Variants in MYO10 observed in about 807,000 individuals in gnomAD.
The protein encoded by MYO10 is unconventional myosin-X.
Under a neutral mutation model 257.3 loss-of-function variants are expected in MYO10, and 133 were observed. That is an observed-to-expected ratio of 0.52 (90% CI 0.45 to 0.60). The LOEUF is 0.60. Ranked by LOEUF, MYO10 falls within the 20% of genes least tolerant of loss-of-function variation. MYO10 has a pLI of 0.00. For missense variants in MYO10, 2,399 were observed against 2,635.7 expected, an observed-to-expected ratio of 0.91 and a Z score of 1.97; for synonymous variants, 1,104 against 1,028.6, an observed-to-expected ratio of 1.07 and a Z score of -1.40.
rs769302371 is a variant in MYO10, at chr5:16,668,313, C to T, written c.6039G>A (p.Val2013=). ...GAPLANTYKI[V]VDERELLFET... ...CAAAGAGCAGCTCCCTCTCATCGAC[C>T]ACGATCTTATACGTATTCGCCAGGG... The change falls in exon 40 of 41, where the codon GTG becomes GTA. Residue 2013 remains valine (V), a synonymous_variant. Transcript: ENST00000513610. 1.9e-6 allele frequency: 3 copies of T among 1,613,616 alleles called. No homozygotes were observed. Among genetic ancestry groups the T allele is most frequent in the Non-Finnish European group, 1.7e-6 (2 of 1,179,748 alleles).
rs189642050 is a variant in MYO10 at position 16,710,381 on chromosome 5, G to A, written c.2169+527C>T. On this transcript the variant is annotated intron_variant, in intron 21 of 40. Coordinates refer to ENST00000513610, the MANE Select transcript of MYO10 (RefSeq NM_012334.3). ...ATACTCTGCTCCTATCTGGAAAAGGGGGTTAAGGAGCCTCTGCCCCAACAG... is the reference window on the plus strand; with the variant it reads ...ATACTCTGCTCCTATCTGGAAAAGGAGGTTAAGGAGCCTCTGCCCCAACAG... Among the ~76,000 whole-genome samples, 3 of 152,290 alleles carry A rather than the reference G, an allele frequency of 2.0e-5. No homozygotes were observed. The East Asian group carries it at 5.8e-4, about 29-fold the overall frequency.
In MYO10 at chr5:16,726,343, A is replaced by G. The variant is rs569072634; in HGVS notation, c.1930-15098T>C. ...CACCACTAGTAGTAACAGTACAAGT[A>G]GTACTTCCAGCAGCAACATTAGTGG... On this transcript the variant is annotated intron_variant, in intron 19 of 40. Transcript: ENST00000513610. Among the ~76,000 whole-genome samples, 141 of 152,352 alleles carry G rather than the reference A, an allele frequency of 9.3e-4. No individual in the cohort carries two copies. In the South Asian group the frequency reaches 0.015, roughly 17 times the overall value.
intron 1 of MYO10, among the ~76,000 whole-genome samples, chr5:16,925,632 G>A (rs1327151596): frequency 6.6e-6 from 1 of 152,072 alleles, no homozygotes; most frequent in Non-Finnish European, 1.5e-5. Context: ...GGCTGGTCTC[G>A]AACTCCTGAC....
rs34123697 is a variant in MYO10, at chr5:16,926,704, C to CA, written c.21+9083dup. Among the ~76,000 whole-genome samples, 476 of 134,704 alleles carry CA rather than the reference C, an allele frequency of 3.5e-3. 5 individuals carry two copies. Among genetic ancestry groups the CA allele is most frequent in the South Asian group, 0.024 (106 of 4,376 alleles). The allele number at this position is 134,704 out of a possible 152,430, so 88.4% of individuals were successfully genotyped here. On this transcript the variant is annotated intron_variant, in intron 1 of 40. Coordinates refer to ENST00000513610, the MANE Select transcript of MYO10 (RefSeq NM_012334.3). ...GCGAAAGAGGAAGACTCTGTCCCAG[C>CA]AAAAAAAAAAAAAAGAACAATCTAA...
intron 3 of MYO10, among the ~76,000 whole-genome samples, chr5:16,796,263 G>A (rs1292894442): frequency 7.5e-6 from 1 of 132,898 alleles, no homozygotes; most frequent in East Asian, 2.1e-4. Flanking sequence ...GAGAGAGAGA[G>A]AAAGAAAGAA....
intron 26 of MYO10, among the ~76,000 whole-genome samples, chr5:16,698,649 C>T (rs1737880685): frequency 1.6e-5 from 1 of 61,860 alleles, no homozygotes; most frequent in Non-Finnish European, 2.9e-5. Context: ...TTTGAGACAG[C>T]GTCTGGCTCT....
At chr5:16,680,247 G>A (rs1254330756) in intron 32 of MYO10, 143 bp from the exon 33 acceptor site, 1 of 1,008,100 alleles carries the variant, frequency 9.9e-7, no homozygotes, top group East Asian at 2.7e-5. Context: ...GTCCTGTCCT[G>A]CCCTGCACTA....
Position 16,892,136 on chromosome 5 carries a change from A to G in MYO10, c.22-14429T>C, listed in dbSNP as rs1580121731. On this transcript the variant is annotated intron_variant, in intron 1 of 40. Transcript: ENST00000513610. Reference sequence around the variant, plus strand: ...CAGAAACCATGCTACCAAGAGAGAGAGGCAGGGCTGCTGGAAGGTTTCAGT... The same window carrying G: ...CAGAAACCATGCTACCAAGAGAGAGGGGCAGGGCTGCTGGAAGGTTTCAGT... Among the ~76,000 whole-genome samples, 4 of 152,254 alleles carry G rather than the reference A, an allele frequency of 2.6e-5. No homozygotes were observed. In the East Asian group the frequency reaches 5.8e-4, roughly 22 times the overall value.
chr5:16,763,358 A>T (rs1740774759), intron 14 of MYO10, 123 bp downstream of exon 14: 1 of 774,762 alleles, frequency 1.3e-6, no homozygotes, highest in African/African-American at 1.7e-5. Flanking sequence ...CAAATGGTCC[A>T]TTGTGTTCTA....
intron 36 of MYO10, 45 bp from the exon 37 acceptor site, chr5:16,672,870 C>G (rs768194771): frequency 1.3e-6 from 2 of 1,593,674 alleles, no homozygotes; most frequent in Non-Finnish European, 1.7e-6. Context: ...GGCTGCGGCC[C>G]CAACACGTGT....
At position 16,666,688 on chromosome 5, in the gene MYO10, G is replaced by A. The variant is rs756450042; in HGVS notation, c.*4C>T. 5.6e-5 allele frequency: 90 copies of A among 1,593,838 alleles called. 1 individual carries two copies. In the Admixed American group the frequency reaches 7.2e-4, roughly 13 times the overall value. On this transcript the variant is annotated 3_prime_UTR_variant, in exon 41 of 41. Transcript: ENST00000513610. The stretch of plus-strand genomic sequence containing the variant: ...AGCAAAGACAGGTGGGCTCTGTCCC[G>A]CCTTCACCTGGAGCTGCCCTGGCTG...
rs1736911504 is a variant in MYO10, at chr5:16,679,977, G to A, written c.4512C>T (p.Thr1504=). ...NVTDTKAPID[T]PTQQLIQDIK... Reference sequence around the variant, plus strand: ...TATCTTGAATCAGCTGCTGGGTGGGGGTGTCGATCGGGGCCTTGGTGTCAG... The same window carrying A: ...TATCTTGAATCAGCTGCTGGGTGGGAGTGTCGATCGGGGCCTTGGTGTCAG... Residue 1504 remains threonine, a synonymous_variant, in exon 33 of 41, where the codon ACC becomes ACT. Coordinates refer to ENST00000513610, the MANE Select transcript of MYO10 (RefSeq NM_012334.3). 5.0e-6 allele frequency: 8 copies of A among 1,613,790 alleles called. No individual in the cohort carries two copies. The highest frequency in any genetic ancestry group is 6.8e-6 in the Non-Finnish European group (8 of 1,179,876).
At chr5:16,854,936 G>C (rs905760736) in intron 2 of MYO10, among the ~76,000 whole-genome samples, 1 of 152,020 alleles carries the variant, frequency 6.6e-6, no homozygotes, top group Admixed American at 6.6e-5. Flanking sequence ...GGGAGGCTGA[G>C]GCAGGAGAAC....
At chr5:16,919,802 C>A (rs1463154784) in intron 1 of MYO10, among the ~76,000 whole-genome samples, 1 of 152,112 alleles carries the variant, frequency 6.6e-6, no homozygotes, top group Non-Finnish European at 1.5e-5. Context: ...CATGGAGAAA[C>A]CCTATCTCTA....
intron 2 of MYO10, among the ~76,000 whole-genome samples, chr5:16,827,389 C>T (rs1335567453): frequency 6.6e-6 from 1 of 152,148 alleles, no homozygotes; most frequent in Admixed American, 6.6e-5. Context: ...TGGGTTCAAG[C>T]AATTCTCCTG....
intron 30 of MYO10, among the ~76,000 whole-genome samples, chr5:16,682,761 T>C (rs1265489172): frequency 6.6e-6 from 1 of 151,728 alleles, no homozygotes; most frequent in Non-Finnish European, 1.5e-5. Context: ...GGAAAAGCTA[T>C]GCAAACAGGC....
intron 1 of MYO10, among the ~76,000 whole-genome samples, chr5:16,899,291 A>G (rs1745308631): frequency 6.6e-6 from 1 of 152,058 alleles, no homozygotes; most frequent in African/African-American, 2.4e-5. Flanking sequence ...TTACTTCAAC[A>G]TTCACCTGAG....
intron 9 of MYO10, among the ~76,000 whole-genome samples, chr5:16,771,689 C>T (rs1188636067): frequency 6.6e-6 from 1 of 151,462 alleles, no homozygotes; most frequent in Non-Finnish European, 1.5e-5. Context: ...AGGTGATTCT[C>T]CCACCTCAGC....
At chr5:16,775,192 AG>A (rs1373337064) in intron 9 of MYO10, among the ~76,000 whole-genome samples, 1 of 152,230 alleles carries the variant, frequency 6.6e-6, no homozygotes, top group African/African-American at 2.4e-5. Context: ...GGCAATTTGA[AG>A]GGCTGTATAA....
Sources: gnomAD v4.1 joint callset for allele counts (sites outside exome capture counted in the v4.1 genomes callset) on GRCh38, gnomAD v4.1.1 for gene constraint, MANE v1.5 for transcripts, NCBI Gene and HGNC (gene_info 2026-07-23, HGNC 2026-07-21) for gene names.